CYLD: variants seen among roughly 807,000 people sequenced by gnomAD.
CYLD encodes the protein ubiquitin carboxyl-terminal hydrolase CYLD.
A neutral mutation model predicts 104.5 loss-of-function variants in CYLD; 26 were observed. That is an observed-to-expected ratio of 0.25 (90% confidence interval 0.18 to 0.35). The LOEUF is 0.35. Among genes scored for constraint, CYLD ranks in the 10% least tolerant of loss-of-function variants. The pLI is 1.00. For missense variants in CYLD, 703 were observed against 1,136.1 expected, an observed-to-expected ratio of 0.62 and a Z score of 5.48; for synonymous variants, 385 against 399.9, an observed-to-expected ratio of 0.96 and a Z score of 0.45.
intron 10 of CYLD, 84 bp downstream of exon 10, chr16:50,781,495 C>A: frequency 6.7e-7 from 1 of 1,495,822 alleles, no homozygotes; most frequent in Non-Finnish European, 9.3e-7. Flanking sequence ...GTGATGGTGA[C>A]AGTGTTTTAA....
chr16:50,779,951 G>A lies in CYLD; in HGVS notation c.1425G>A (p.Leu475=). ...CACATGGTCTAGAAGTGGGCTCATT[G>A]GCTGAAGTTAAGGAGAACCCTCCTT... ...GNSHGLEVGS[L]AEVKENPPFY... is the part of the protein sequence containing the mutation. The change falls in exon 9 of 19, where the codon TTG becomes TTA. Residue 475 remains leucine (L), a synonymous_variant. Transcript: ENST00000427738. The A allele has an allele frequency of 6.2e-7, 1 of 1,614,010 alleles. No homozygotes were observed. Among genetic ancestry groups the A allele is most frequent in the Non-Finnish European group, 8.5e-7 (1 of 1,179,898 alleles).
intron 15 of CYLD, 76 bp downstream of exon 15, chr16:50,791,766 A>T: frequency 6.6e-7 from 1 of 1,515,916 alleles, no homozygotes; most frequent in East Asian, 2.3e-5. Context: ...TTCAGTATCT[A>T]TTGATTTTAA....
chr16:50,778,205 T>G (rs1398476407), intron 8 of CYLD: 4 of 329,556 alleles, frequency 1.2e-5, no homozygotes, highest in African/African-American at 2.1e-5. Flanking sequence ...TCTGGTTCCT[T>G]CCTGACCTCT....
At chr16:50,775,055 T>G (rs891464164) in intron 5 of CYLD, 111 bp from the exon 6 acceptor site, 2 of 882,232 alleles carry the variant, frequency 2.3e-6, no homozygotes, top group Non-Finnish European at 3.5e-6. Context: ...GTAAATTTCC[T>G]CTTTTTTTAA....
intron 7 of CYLD, among the ~76,000 whole-genome samples, chr16:50,776,482 C>A (rs1407754824): frequency 1.3e-5 from 2 of 152,074 alleles, no homozygotes. Context: ...AGGAAGAGTT[C>A]CCCATAGGGT....
At chr16:50,775,735 T>C (rs1969608058) in intron 6 of CYLD, among the ~76,000 whole-genome samples, 1 of 152,224 alleles carries the variant, frequency 6.6e-6, no homozygotes, top group Admixed American at 6.5e-5. Context: ...TTCCGTGCAG[T>C]AAAGAAATTG....
intron 5 of CYLD, 49 bp downstream of exon 5, chr16:50,754,473 ATTTTTTAT>A: frequency 3.2e-6 from 4 of 1,242,078 alleles, no homozygotes; most frequent in Non-Finnish European, 4.6e-6. Context: ...TTATTTTTTA[ATTTTTTAT>A]TTTTTTATAT....
rs372199798 is a variant in CYLD at position 50,776,239 on chromosome 16, A to G, written c.983A>G (p.Asp328Gly). Residue 328 changes from aspartate to glycine, a missense_variant, in exon 7 of 19, where the codon GAC becomes GGC. By Grantham distance (94) the Asp-to-Gly change is moderately conservative. This residue lies in a region of CYLD where 183 missense variants were observed against 212.1 expected (regional missense o/e 0.86). Transcript: ENST00000427738. ...KLAFMSRGVG[D>G]KGSSSHNKPK... Reference sequence around the variant, plus strand: ...GCCTTTATGTCAAGAGGTGTTGGGGACAAAGGTTCATCCAGTCATAATAAA... The same window carrying G: ...GCCTTTATGTCAAGAGGTGTTGGGGGCAAAGGTTCATCCAGTCATAATAAA... The G allele has an allele frequency of 3.1e-6, 5 of 1,613,490 alleles. No homozygotes were observed. The East Asian group carries it at 6.7e-5, about 22-fold the overall frequency.
chr16:50,775,789 C>T (rs373030852), intron 6 of CYLD, among the ~76,000 whole-genome samples: 6 of 152,154 alleles, frequency 3.9e-5, no homozygotes, highest in South Asian at 2.1e-4. Context: ...TATTTGAGTT[C>T]GAAACACTTC....
At chr16:50,742,405 C>CT (rs1286365825) in intron 1 of CYLD, 1 of 175,708 alleles carries the variant, frequency 5.7e-6, no homozygotes, top group African/African-American at 2.4e-5. Context: ...CCGGGTTTCC[C>CT]CCCCCCACCG....
At position 50,751,591 on chromosome 16, in the gene CYLD, T is replaced by C. The variant is rs1203085504; in HGVS notation, c.505-13T>C. The stretch of plus-strand genomic sequence containing the variant: ...TCTATATCTATTTCTTTCCCTTCTC[T>C]CTTAAAAACTAGGAAGAAGGTCGTG... On this transcript the variant is annotated splice_polypyrimidine_tract_variant and intron_variant, in intron 3 of 18. Coordinates refer to ENST00000427738, the MANE Select transcript of CYLD (RefSeq NM_001378743.1). The C allele has an allele frequency of 2.5e-6, 4 of 1,612,664 alleles. No individual in the cohort carries two copies. The highest frequency in any genetic ancestry group is 1.7e-5 in the Admixed American group (1 of 59,958).
At chr16:50,783,269 A>C (rs2151003063) in intron 11 of CYLD, among the ~76,000 whole-genome samples, 2 of 152,196 alleles carry the variant, frequency 1.3e-5, no homozygotes, top group South Asian at 4.1e-4. Context: ...TGGAAATTGA[A>C]CCAAGAATCT....
intron 2 of CYLD, among the ~76,000 whole-genome samples, chr16:50,749,344 A>G (rs1253098968): frequency 6.6e-6 from 1 of 152,260 alleles, no homozygotes; most frequent in Non-Finnish European, 1.5e-5. Flanking sequence ...GTACTTTACA[A>G]TTGGATTTCA....
chr16:50,756,777 C>T (rs777786210), intron 5 of CYLD, among the ~76,000 whole-genome samples: 1 of 152,184 alleles, frequency 6.6e-6, no homozygotes, highest in Non-Finnish European at 1.5e-5. Flanking sequence ...TCTTAACAAA[C>T]TTATAATGTA....
At chr16:50,780,967 C>T (rs1445878009) in intron 9 of CYLD, among the ~76,000 whole-genome samples, 1 of 151,678 alleles carries the variant, frequency 6.6e-6, no homozygotes, top group Non-Finnish European at 1.5e-5. Flanking sequence ...AGAAATGGTG[C>T]GGGAAAGCCC....
intron 5 of CYLD, among the ~76,000 whole-genome samples, chr16:50,762,904 C>T (rs1320607856): frequency 6.6e-6 from 1 of 152,130 alleles, no homozygotes; most frequent in African/African-American, 2.4e-5. Flanking sequence ...ATAATTCACT[C>T]AGAGTGTACA....
intron 15 of CYLD, among the ~76,000 whole-genome samples, chr16:50,791,964 G>A (rs1274546047): frequency 2.0e-5 from 3 of 152,126 alleles, no homozygotes; most frequent in Non-Finnish European, 4.4e-5. Context: ...TAAAGCAAAA[G>A]GAGACTTACG....
At chr16:50,787,383 A>G (rs1970956326) in intron 13 of CYLD, 1 of 266,374 alleles carries the variant, frequency 3.8e-6, no homozygotes, top group Admixed American at 5.1e-5. Flanking sequence ...TAATGGGCTT[A>G]CTCAAAGATT....
intron 5 of CYLD, among the ~76,000 whole-genome samples, chr16:50,756,179 G>A (rs1282451674): frequency 6.6e-6 from 1 of 152,168 alleles, no homozygotes; most frequent in Non-Finnish European, 1.5e-5. Flanking sequence ...ACGTATATGA[G>A]TATAAGGGTG....
Sources: allele counts gnomAD v4.1 joint callset (sites outside exome capture counted in the v4.1 genomes callset), GRCh38; gene constraint gnomAD v4.1.1; regional missense constraint gnomAD v4.1.1; transcripts MANE v1.5; gene names NCBI Gene and HGNC (gene_info 2026-07-23, HGNC 2026-07-21).